Variants in PRIM2 observed in about 807,000 individuals in gnomAD.
PRIM2 encodes the protein DNA primase large subunit.
PRIM2 carries 39 observed loss-of-function variants against 67.3 expected under a neutral mutation model. That is an observed-to-expected ratio of 0.58 (90% CI 0.45 to 0.76). The LOEUF is 0.76. Ranked by LOEUF, PRIM2 falls within the 30% of genes least tolerant of loss-of-function variation. The pLI is 0.00. For missense variants in PRIM2, 398 were observed against 598.7 expected, an observed-to-expected ratio of 0.66 and a Z score of 3.50; for synonymous variants, 143 against 198.7, an observed-to-expected ratio of 0.72 and a Z score of 2.36.
the PRIM2 span, among the ~76,000 whole-genome samples, chr6:57,227,189 C>CT: frequency 6.6e-6 from 1 of 152,138 alleles, no homozygotes; most frequent in Non-Finnish European, 1.5e-5. Flanking sequence ...AGACAACTCT[C>CT]TGACTTTTGA....
intron 10 of PRIM2, among the ~76,000 whole-genome samples, chr6:57,567,553 C>T (rs1775767805): frequency 1.3e-5 from 2 of 152,126 alleles, no homozygotes; most frequent in Non-Finnish European, 2.9e-5. Flanking sequence ...GGAAGGTCTC[C>T]ACTTTTCTTT....
the PRIM2 span, among the ~76,000 whole-genome samples, chr6:57,277,646 A>G: frequency 1.3e-5 from 2 of 152,060 alleles, no homozygotes; most frequent in South Asian, 2.1e-4. Context: ...TCAGAGAACC[A>G]CGATGTGAAT....
chr6:57,418,521 C>T (rs538027849), intron 7 of PRIM2, among the ~76,000 whole-genome samples: 67 of 150,046 alleles, frequency 4.5e-4, no homozygotes, highest in Admixed American at 8.7e-4. Flanking sequence ...CTCAGCCTTC[C>T]GAGTAGCTGG....
intron 7 of PRIM2, among the ~76,000 whole-genome samples, chr6:57,394,227 A>G (rs1770448031): frequency 6.6e-6 from 1 of 152,028 alleles, no homozygotes; most frequent in Non-Finnish European, 1.5e-5. Context: ...ATGGGATTGC[A>G]TTGAATTTGT....
At chr6:57,634,871 A>C (rs1777093693) in intron 13 of PRIM2, among the ~76,000 whole-genome samples, 1 of 152,192 alleles carries the variant, frequency 6.6e-6, no homozygotes, top group Non-Finnish European at 1.5e-5. Context: ...TAGTCTAACT[A>C]ACTTAAACCA....
the PRIM2 span, among the ~76,000 whole-genome samples, chr6:57,252,253 C>T: frequency 9.2e-5 from 14 of 152,320 alleles, no homozygotes; most frequent in East Asian, 2.5e-3. Flanking sequence ...CATTTACTCT[C>T]AAGAAATGCA....
chr6:57,487,154 T>C (rs1346695973), intron 7 of PRIM2, among the ~76,000 whole-genome samples: 1 of 152,206 alleles, frequency 6.6e-6, no homozygotes, highest in African/African-American at 2.4e-5. Flanking sequence ...GCTTGTTTAA[T>C]ATTAAATTTA....
At chr6:57,316,932 T>C (rs1581783151), upstream of PRIM2, among the ~76,000 whole-genome samples, 1 of 152,232 alleles carries the variant, frequency 6.6e-6, no homozygotes, top group Non-Finnish European at 1.5e-5. Context: ...TCATTCTAGT[T>C]CATTCCACAG....
chr6:57,642,589 C>T (rs1243907109), intron 13 of PRIM2, among the ~76,000 whole-genome samples: 10 of 151,002 alleles, frequency 6.6e-5, no homozygotes, highest in Admixed American at 2.6e-4. Flanking sequence ...ACTACAGGCA[C>T]GCGCCACCAT....
chr6:57,320,355 T>A (rs1767611975), intron 2 of PRIM2, 102 bp from the exon 3 acceptor site: 1 of 719,738 alleles, frequency 1.4e-6, no homozygotes, highest in Admixed American at 2.8e-5. Context: ...TTACCTGTCA[T>A]GTTCTGTAAA....
intron 10 of PRIM2, among the ~76,000 whole-genome samples, chr6:57,576,592 A>G (rs1430251554): frequency 1.3e-5 from 2 of 151,674 alleles, no homozygotes; most frequent in Non-Finnish European, 2.9e-5. Flanking sequence ...CTGATCCTTT[A>G]TCGTCATTCA....
At chr6:57,565,616 C>G (rs1775721680) in intron 10 of PRIM2, among the ~76,000 whole-genome samples, 1 of 152,176 alleles carries the variant, frequency 6.6e-6, no homozygotes, top group African/African-American at 2.4e-5. Flanking sequence ...GTGCTGCCCT[C>G]CTACATTGGG....
At chr6:57,561,761 C>CT (rs1267270684) in intron 10 of PRIM2, among the ~76,000 whole-genome samples, 12 of 151,644 alleles carry the variant, frequency 7.9e-5, no homozygotes, top group South Asian at 2.1e-4. Context: ...CCTTGAAAAA[C>CT]TTTTTTTTTA....
chr6:57,452,851 G>A (rs1370330112), intron 7 of PRIM2, among the ~76,000 whole-genome samples: 3 of 152,148 alleles, frequency 2.0e-5, no homozygotes, highest in Non-Finnish European at 4.4e-5. Context: ...TAGACATGAA[G>A]TCCTTGCCCT....
chr6:57,639,296 A>C (rs1262953485), intron 13 of PRIM2, among the ~76,000 whole-genome samples: 1 of 152,094 alleles, frequency 6.6e-6, no homozygotes, highest in African/African-American at 2.4e-5. Context: ...CACAAGAGAA[A>C]CCAAGAAAAT....
At chr6:57,278,610 A>G in the PRIM2 span, among the ~76,000 whole-genome samples, 1 of 152,180 alleles carries the variant, frequency 6.6e-6, no homozygotes, top group Non-Finnish European at 1.5e-5. Flanking sequence ...AAACACCAAA[A>G]TATCTGTGAC....
At chr6:57,447,247 A>T (rs1480655090) in intron 7 of PRIM2, among the ~76,000 whole-genome samples, 5 of 152,240 alleles carry the variant, frequency 3.3e-5, no homozygotes, top group Admixed American at 3.3e-4. Flanking sequence ...TAGATGTATG[A>T]GTGCAGATTT....
intron 5 of PRIM2, among the ~76,000 whole-genome samples, chr6:57,336,823 A>G (rs1011281975): frequency 7.9e-5 from 12 of 152,238 alleles, no homozygotes; most frequent in African/African-American, 2.7e-4. Context: ...ATAACCAGCT[A>G]ACATCACAAT....
chr6:57,614,802 A>G (rs1776725259), intron 12 of PRIM2, among the ~76,000 whole-genome samples: 1 of 152,224 alleles, frequency 6.6e-6, no homozygotes, highest in African/African-American at 2.4e-5. Context: ...GTGAGCAGAG[A>G]TCATGCCACT....
Sources: allele counts gnomAD v4.1 joint callset (sites outside exome capture counted in the v4.1 genomes callset), GRCh38; gene constraint gnomAD v4.1.1; transcripts MANE v1.5; gene names NCBI Gene and HGNC (gene_info 2026-07-23, HGNC 2026-07-21).